CEP85L: variants seen among roughly 807,000 people sequenced by gnomAD.
CEP85L encodes the protein centrosomal protein of 85 kDa-like.
In CEP85L, 60 loss-of-function variants were observed where a neutral mutation model predicts 100.3. The observed-to-expected ratio is 0.60, with a 90% confidence interval of 0.49 to 0.74. The LOEUF is 0.74. Among genes scored for constraint, CEP85L ranks in the 30% least tolerant of loss-of-function variants. CEP85L has a pLI of 0.00. For missense variants in CEP85L, 973 were observed against 936.2 expected (o/e 1.04, Z -0.51); for synonymous variants, 319 against 322.7 (o/e 0.99, Z 0.12).
chr6:118,698,078 C>G (rs1777274255), intron 1 of CEP85L, among the ~76,000 whole-genome samples: 1 of 152,186 alleles, frequency 6.6e-6, no homozygotes, highest in South Asian at 2.1e-4. Flanking sequence ...GAGCATTCCT[C>G]TGGGCCCTAC....
intron 1 of CEP85L, among the ~76,000 whole-genome samples, chr6:118,657,662 A>G (rs1775842704): frequency 6.6e-6 from 1 of 152,136 alleles, no homozygotes; most frequent in Admixed American, 6.5e-5. Flanking sequence ...TCAGAATACC[A>G]CTTGGGCACA....
chr6:118,654,895 T>C (rs552621910), upstream of CEP85L, among the ~76,000 whole-genome samples: 5 of 152,318 alleles, frequency 3.3e-5, no homozygotes, highest in East Asian at 5.8e-4. Context: ...GTAACTGTTA[T>C]AGCTCACCAA....
At chr6:118,563,663 C>G (rs1410684414) in intron 3 of CEP85L, among the ~76,000 whole-genome samples, 1 of 152,134 alleles carries the variant, frequency 6.6e-6, no homozygotes, top group African/African-American at 2.4e-5. Context: ...GTTGCCCAGG[C>G]TAGTCTCAAA....
intron 2 of CEP85L, among the ~76,000 whole-genome samples, chr6:118,616,249 G>C (rs1027597018): frequency 2.6e-5 from 4 of 152,192 alleles, no homozygotes; most frequent in African/African-American, 7.2e-5. Flanking sequence ...TATGAGGCCA[G>C]ATGTGGTGGG....
intron 5 of CEP85L, among the ~76,000 whole-genome samples, 190 bp downstream of exon 5, chr6:118,511,108 G>A (rs1231659543): frequency 1.3e-5 from 2 of 152,140 alleles, no homozygotes; most frequent in African/African-American, 2.4e-5. Flanking sequence ...CTGTATGTGT[G>A]TGGAGAGGGG....
chr6:118,578,492 G>T (rs1324250097), intron 2 of CEP85L, among the ~76,000 whole-genome samples: 3 of 152,172 alleles, frequency 2.0e-5, no homozygotes, highest in Admixed American at 6.5e-5. Context: ...AGCACTTTGG[G>T]AGGCTGAGGC....
intron 6 of CEP85L, among the ~76,000 whole-genome samples, chr6:118,487,273 C>A (rs865822412): frequency 1.3e-5 from 2 of 152,128 alleles, no homozygotes; most frequent in African/African-American, 2.4e-5. Context: ...TGTATCAATA[C>A]ACAGTTTATC....
intron 10 of CEP85L, among the ~76,000 whole-genome samples, chr6:118,471,456 A>G (rs1248200888): frequency 1.3e-5 from 2 of 151,994 alleles, no homozygotes; most frequent in East Asian, 1.9e-4. Flanking sequence ...TTTAGTCTCA[A>G]TTCTGACAAT....
Position 118,600,345 on chromosome 6 carries a change from G to C in CEP85L, c.232+32108C>G, listed in dbSNP as rs1009595044. On this transcript the variant is annotated intron_variant, in intron 2 of 12. Coordinates refer to ENST00000368491, the MANE Select transcript of CEP85L (RefSeq NM_001042475.3). ...TGTGTGTGTGTGTGTGTGTGTGTGT[G>C]TGTGTGTGTGTGTGTGTGTGTGTGT... is the stretch of plus-strand genomic sequence containing the variant. 1.6e-3 allele frequency among the ~76,000 whole-genome samples: 219 copies of C among 136,420 alleles called. 10 individuals carry two copies. Among genetic ancestry groups the C allele is most frequent in the African/African-American group, 5.6e-3 (206 of 36,910 alleles). The allele number at this position is 136,420 out of a possible 152,430, so 89.5% of individuals were successfully genotyped here.
chr6:118,674,925 A>G (rs1264491627), intron 1 of CEP85L, among the ~76,000 whole-genome samples: 5 of 152,252 alleles, frequency 3.3e-5, no homozygotes, highest in Non-Finnish European at 5.9e-5. Context: ...AGTTAAACAC[A>G]GACTTACCAT....
At chr6:118,479,836 T>C (rs775970041) in intron 10 of CEP85L, 35 bp downstream of exon 10, 7 of 1,124,532 alleles carry the variant, frequency 6.2e-6, no homozygotes, top group East Asian at 5.2e-5. Context: ...TATCAGAATA[T>C]AGCTAAATTA....
In CEP85L at chr6:118,632,527, T is replaced by C. The variant is rs560509236; in HGVS notation, c.158A>G (p.His53Arg). 3.8e-4 allele frequency: 614 copies of C among 1,613,236 alleles called. 21 individuals carry two copies. In the South Asian group the frequency reaches 6.5e-3, roughly 17 times the overall value. The change falls in exon 2 of 13, where the codon CAT becomes CGT. Residue 53 changes from histidine to arginine, a missense_variant. By Grantham distance (29) the His-to-Arg change is conservative (BLOSUM62 0). This residue lies in a region of CEP85L where 79 missense variants were observed against 73.3 expected (regional missense o/e 1.08). Coordinates refer to ENST00000368491, the MANE Select transcript of CEP85L (RefSeq NM_001042475.3). ...AGAAGCTATACTGTGTCTCCTGATA[T>C]GGTTATTTCGATGGTTAGATGGAAC... Reference protein sequence around the residue: ...TTVPSNHRNNHIRRHSIASDS... With the variant: ...TTVPSNHRNNRIRRHSIASDS...
intron 6 of CEP85L, among the ~76,000 whole-genome samples, chr6:118,486,074 C>T (rs780062128): frequency 1.3e-5 from 2 of 152,322 alleles, no homozygotes; most frequent in African/African-American, 4.8e-5. Flanking sequence ...CACTCTCCTA[C>T]GAGACACTGT....
At chr6:118,487,614 G>A (rs1334666178) in intron 6 of CEP85L, among the ~76,000 whole-genome samples, 1 of 152,150 alleles carries the variant, frequency 6.6e-6, no homozygotes, top group Non-Finnish European at 1.5e-5. Context: ...ATGATCAGAA[G>A]GAACCTGTTG....
In CEP85L at chr6:118,465,198, C is replaced by T. The variant is rs1448240902; in HGVS notation, c.*207G>A. ...TTCCTTGTAGATTTTATCATATTTT[C>T]CAAAGGTAATTTGATTTTTTTTCTT... On this transcript the variant is annotated 3_prime_UTR_variant, in exon 13 of 13. Coordinates refer to ENST00000368491, the MANE Select transcript of CEP85L (RefSeq NM_001042475.3). The T allele has an allele frequency of 2.1e-6, 1 of 472,308 alleles. No individual in the cohort carries two copies. The allele number at this position is 472,308 out of a possible 1,614,324, so 29.3% of individuals were successfully genotyped here. A position where few individuals can be genotyped will look rare whatever the true frequency, so the allele number is the denominator to read the frequency against.
intron 6 of CEP85L, among the ~76,000 whole-genome samples, chr6:118,489,400 A>T (rs1267474964): frequency 6.6e-6 from 1 of 152,160 alleles, no homozygotes; most frequent in Non-Finnish European, 1.5e-5. Context: ...AAATAAAGGG[A>T]TGCTAAACAG....
chr6:118,501,618 T>C, intron 5 of CEP85L: 1 of 613,768 alleles, frequency 1.6e-6, no homozygotes, highest in Non-Finnish European at 3.1e-6. Flanking sequence ...AATGCCATGA[T>C]TTACAACAAA....
At chr6:118,501,476 C>T (rs968588206) in intron 5 of CEP85L, 2 of 424,932 alleles carry the variant, frequency 4.7e-6, no homozygotes, top group East Asian at 1.3e-4. Context: ...TCCAAGTGCT[C>T]TTTTCGTTTT....
chr6:118,619,681 T>C (rs1413334692), intron 2 of CEP85L, among the ~76,000 whole-genome samples: 1 of 152,160 alleles, frequency 6.6e-6, no homozygotes, highest in Non-Finnish European at 1.5e-5. Context: ...TTTCTCACTC[T>C]CAGATTTAAA....
Sources: allele counts gnomAD v4.1 joint callset (sites outside exome capture counted in the v4.1 genomes callset), GRCh38; gene constraint gnomAD v4.1.1; regional missense constraint gnomAD v4.1.1; transcripts MANE v1.5; gene names NCBI Gene and HGNC (gene_info 2026-07-23, HGNC 2026-07-21).